RASAL2: variants seen among roughly 807,000 people sequenced by gnomAD.
The protein encoded by RASAL2 is RAS protein activator like 2.
Under a neutral mutation model 128.9 loss-of-function variants are expected in RASAL2, and 58 were observed. The observed-to-expected ratio is 0.45, with a 90% confidence interval of 0.36 to 0.56. RASAL2 has a LOEUF of 0.56. Ranked by LOEUF, RASAL2 falls within the 20% of genes least tolerant of loss-of-function variation. RASAL2 has a pLI of 0.00. For missense variants in RASAL2, 1,360 were observed against 1,601.6 expected, an observed-to-expected ratio of 0.85 and a Z score of 2.57; for synonymous variants, 561 against 580.8, an observed-to-expected ratio of 0.97 and a Z score of 0.49.
At chr1:178,395,660 T>C (rs1275864381) in intron 4 of RASAL2, among the ~76,000 whole-genome samples, 1 of 151,948 alleles carries the variant, frequency 6.6e-6, no homozygotes, top group African/African-American at 2.4e-5. Context: ...TTATTTCCCA[T>C]GATGCTTAAA....
At chr1:178,160,447 C>T (rs926708442) in intron 1 of RASAL2, among the ~76,000 whole-genome samples, 5 of 152,056 alleles carry the variant, frequency 3.3e-5, no homozygotes, top group Non-Finnish European at 5.9e-5. Context: ...CCAGCCTGGC[C>T]AACATGGCAA....
At chr1:178,199,362 C>T (rs934460867) in intron 1 of RASAL2, among the ~76,000 whole-genome samples, 1 of 152,176 alleles carries the variant, frequency 6.6e-6, no homozygotes, top group Non-Finnish European at 1.5e-5. Flanking sequence ...GTTGGAAATG[C>T]AGAAATCACC....
rs1445114955 is a variant in RASAL2, at chr1:178,160,505, G to A, written c.202+65811G>A. On this transcript the variant is annotated intron_variant, in intron 1 of 17. Coordinates refer to ENST00000367649, the MANE Select transcript of RASAL2 (RefSeq NM_170692.4). The stretch of plus-strand genomic sequence containing the variant: ...CAAAAATTAGCGGGACGTGGTGGCA[G>A]GTGTCTGTAATCCCAGCTACTTGGG... Among the ~76,000 whole-genome samples the A allele has an allele frequency of 2.0e-5, 3 of 152,118 alleles. No individual in the cohort carries two copies. In the East Asian group the frequency reaches 5.8e-4, roughly 29 times the overall value.
At chr1:178,170,679 C>T (rs1661676718) in intron 1 of RASAL2, among the ~76,000 whole-genome samples, 1 of 151,186 alleles carries the variant, frequency 6.6e-6, no homozygotes, top group Non-Finnish European at 1.5e-5. Context: ...ATTTCATGGT[C>T]TTTTTATATA....
At chr1:178,289,773 A>C (rs974053231) in intron 2 of RASAL2, among the ~76,000 whole-genome samples, 3 of 152,166 alleles carry the variant, frequency 2.0e-5, no homozygotes, top group Non-Finnish European at 4.4e-5. Context: ...CCATCCTTCC[A>C]AGTTTCAAAG....
intron 3 of RASAL2, among the ~76,000 whole-genome samples, chr1:178,363,285 T>C (rs555863166): frequency 6.6e-6 from 1 of 152,366 alleles, no homozygotes; most frequent in Non-Finnish European, 1.5e-5. Flanking sequence ...TCTTTTCATA[T>C]ACCTGTTGGC....
chr1:178,294,443 G>C (rs1667406739), intron 2 of RASAL2, among the ~76,000 whole-genome samples: 1 of 152,234 alleles, frequency 6.6e-6, no homozygotes, highest in African/African-American at 2.4e-5. Context: ...ATAGGTTTAA[G>C]GGGCAGAACG....
intron 1 of RASAL2, among the ~76,000 whole-genome samples, chr1:178,228,293 A>AG (rs1159826121): frequency 6.6e-6 from 1 of 152,136 alleles, no homozygotes; most frequent in East Asian, 1.9e-4. Context: ...TGGTAAAAAA[A>AG]ATTGTGGGCC....
intron 2 of RASAL2, among the ~76,000 whole-genome samples, chr1:178,294,573 A>G (rs1667411350): frequency 6.6e-6 from 1 of 152,216 alleles, no homozygotes; most frequent in Non-Finnish European, 1.5e-5. Flanking sequence ...ACTGTAAACA[A>G]CAAAAAATAG....
intron 1 of RASAL2, among the ~76,000 whole-genome samples, chr1:178,268,752 C>T (rs1666105992): frequency 6.6e-6 from 1 of 152,156 alleles, no homozygotes; most frequent in Non-Finnish European, 1.5e-5. Context: ...CACCACGGCT[C>T]CTGGCTTCCT....
intron 1 of RASAL2, chr1:178,120,955 TCTC>T (rs1413864509): frequency 1.3e-5 from 2 of 152,268 alleles, no homozygotes; most frequent in African/African-American, 2.4e-5. Context: ...CTGCTGCTCA[TCTC>T]CTCCTGTGTG....
intron 3 of RASAL2, among the ~76,000 whole-genome samples, chr1:178,335,694 C>T (rs1669552260): frequency 1.3e-5 from 2 of 152,196 alleles, no homozygotes; most frequent in Admixed American, 1.3e-4. Context: ...CTGAGTGATA[C>T]AGGCTCTCCA....
chr1:178,286,441 T>C (rs1667029152), intron 2 of RASAL2, among the ~76,000 whole-genome samples: 1 of 136,294 alleles, frequency 7.3e-6, no homozygotes, highest in Non-Finnish European at 1.5e-5. Flanking sequence ...ATGGAGTCTC[T>C]CTCTTGTTTC....
intron 17 of RASAL2, among the ~76,000 whole-genome samples, chr1:178,468,735 C>T (rs959447889): frequency 6.6e-6 from 1 of 152,162 alleles, no homozygotes; most frequent in African/African-American, 2.4e-5. Flanking sequence ...AGAAATCTTT[C>T]TAGATGCCCC....
In RASAL2 at chr1:178,283,302, A is replaced by G. The variant is rs199898983; in HGVS notation, c.203-262A>G. Among the ~76,000 whole-genome samples the G allele has an allele frequency of 3.3e-5, 5 of 152,322 alleles. No homozygotes were observed. The East Asian group carries it at 9.6e-4, about 29-fold the overall frequency. ...CCTCTCATTATTATAGTTTATATAC[A>G]GTGGTAATTACTATGTAAAGTTTGC... On this transcript the variant is annotated intron_variant, in intron 1 of 17. Coordinates refer to ENST00000367649, the MANE Select transcript of RASAL2 (RefSeq NM_170692.4).
At chr1:178,156,643 A>G (rs929313381) in intron 1 of RASAL2, among the ~76,000 whole-genome samples, 4 of 152,212 alleles carry the variant, frequency 2.6e-5, no homozygotes, top group East Asian at 1.9e-4. Flanking sequence ...GAACCACTCA[A>G]TAATTCTAGT....
chr1:178,148,858 A>G lies in RASAL2; in HGVS notation c.202+54164A>G, dbSNP rs11585956. 2.3e-3 allele frequency among the ~76,000 whole-genome samples: 350 copies of G among 152,316 alleles called. 3 individuals are homozygous for G. The highest frequency in any genetic ancestry group is 7.3e-3 in the South Asian group (35 of 4,820). Reference sequence around the variant, plus strand: ...TATGTAAATACATGGGTTTATTTAGATAATCTTGGAGATTCTCTTTGTAAT... The same window carrying G: ...TATGTAAATACATGGGTTTATTTAGGTAATCTTGGAGATTCTCTTTGTAAT... On this transcript the variant is annotated intron_variant, in intron 1 of 17. Transcript: ENST00000367649.
intron 3 of RASAL2, among the ~76,000 whole-genome samples, chr1:178,371,685 A>G (rs924690667): frequency 1.3e-5 from 2 of 152,156 alleles, no homozygotes; most frequent in East Asian, 1.9e-4. Context: ...AGGAAGGGGA[A>G]GGGGGCTGCA....
chr1:178,296,491 C>G (rs1468542249), intron 2 of RASAL2, among the ~76,000 whole-genome samples: 2 of 151,988 alleles, frequency 1.3e-5, no homozygotes. Flanking sequence ...TCCCGAGTAG[C>G]TGGGACTGCA....
Sources: gnomAD v4.1 joint callset for allele counts (sites outside exome capture counted in the v4.1 genomes callset) on GRCh38, gnomAD v4.1.1 for gene constraint, MANE v1.5 for transcripts, NCBI Gene and HGNC (gene_info 2026-07-23, HGNC 2026-07-21) for gene names.